OR56A3: variants seen among roughly 807,000 people sequenced by gnomAD.
OR56A3 encodes olfactory receptor family 56 subfamily A member 3.
A neutral mutation model predicts 17.5 loss-of-function variants in OR56A3; 23 were observed. The ratio of observed to expected loss-of-function variants is 1.32; its 90% confidence interval spans 0.95 to 1.87. The LOEUF (loss-of-function observed/expected upper bound fraction) is 1.87. Ranked by LOEUF, OR56A3 falls within the 40% of genes most tolerant of loss-of-function variation. The pLI is 0.00. For missense variants in OR56A3, 366 were observed against 380.1 expected (o/e 0.96, Z 0.31); for synonymous variants, 175 against 150.6 (o/e 1.16, Z -1.19).
Position 5,948,544 on chromosome 11 carries a change from T to C in OR56A3, c.*250T>C. ...CATATTTTGTCCAAAACACTGACAT[T>C]CCTTAAAGCAGATTTTAAAGTGAAA... On this transcript the variant is annotated 3_prime_UTR_variant, in exon 3 of 3. Coordinates refer to ENST00000641160, the MANE Select transcript of OR56A3 (RefSeq NM_001003443.3). 2.3e-6 allele frequency: 1 copy of C among 442,438 alleles called. No homozygotes were observed. The highest frequency in any genetic ancestry group is 4.0e-6 in the Non-Finnish European group (1 of 249,974). 27.4% of individuals were successfully genotyped at this position (442,438 alleles called of 1,614,324 possible).
the OR56A3 span, among the ~76,000 whole-genome samples, chr11:6,014,013 A>G: frequency 2.9e-3 from 449 of 152,280 alleles, 1 homozygote; most frequent in Non-Finnish European, 4.2e-3. Flanking sequence ...CAGTACCCAA[A>G]CAAGCTGCCT....
chr11:5,987,200 G>A, the OR56A3 span, among the ~76,000 whole-genome samples: 2 of 152,190 alleles, frequency 1.3e-5, no homozygotes, highest in African/African-American at 4.8e-5. Flanking sequence ...TTTTGGAACT[G>A]TCAACTTCAA....
the OR56A3 span, among the ~76,000 whole-genome samples, chr11:6,014,988 G>GAAAAAAAAAAAAA: frequency 2.8e-4 from 2 of 7,118 alleles, no homozygotes; most frequent in East Asian, 0.028. Context: ...ATATTCATGG[G>GAAAAAAAAAAAAA]CAAAAAAAAA....
At chr11:5,960,131 T>C in the OR56A3 span, among the ~76,000 whole-genome samples, 1 of 152,210 alleles carries the variant, frequency 6.6e-6, no homozygotes, top group Non-Finnish European at 1.5e-5. Context: ...TTTCTCAAGA[T>C]TGCTGTGGCT....
the OR56A3 span, among the ~76,000 whole-genome samples, chr11:6,012,732 C>T: frequency 5.3e-5 from 8 of 152,220 alleles, no homozygotes; most frequent in African/African-American, 1.4e-4. Flanking sequence ...TGCCTCCTGC[C>T]GCCATCCATG....
chr11:5,995,207 G>A, the OR56A3 span, among the ~76,000 whole-genome samples: 15 of 152,316 alleles, frequency 9.8e-5, no homozygotes, highest in East Asian at 3.9e-4. Context: ...CTTAGCTGAC[G>A]ACCACTTTAA....
In OR56A3 at chr11:5,947,783, T is replaced by G; in HGVS notation, c.437T>G (p.Val146Gly). The G allele has an allele frequency of 6.2e-7, 1 of 1,614,212 alleles. No homozygotes were observed. The highest frequency in any genetic ancestry group is 2.2e-5 in the East Asian group (1 of 44,888). Residue 146 changes from valine to glycine, a missense_variant, in exon 3 of 3, where the codon GTC becomes GGC. Coordinates refer to ENST00000641160, the MANE Select transcript of OR56A3 (RefSeq NM_001003443.3). Reference sequence around the variant, plus strand: ...TCAATCATCACTGATCACTTTGTAGTCAAGGCTGCCATGTTTATTTTGACC... The same window carrying G: ...TCAATCATCACTGATCACTTTGTAGGCAAGGCTGCCATGTTTATTTTGACC... ...YPSIITDHFV[V>G]KAAMFILTRN...
chr11:6,005,596 AT>A, the OR56A3 span, among the ~76,000 whole-genome samples: 1 of 152,226 alleles, frequency 6.6e-6, no homozygotes, highest in South Asian at 2.1e-4. Context: ...CTAAAACAAA[AT>A]GCCATAAACT....
downstream of OR56A3, among the ~76,000 whole-genome samples, chr11:5,951,558 CT>C (rs1489661104): frequency 6.6e-6 from 1 of 152,010 alleles, no homozygotes; most frequent in Non-Finnish European, 1.5e-5. Context: ...CTGGTGAGAC[CT>C]TGCATTTTCC....
chr11:5,961,152 C>T, the OR56A3 span, among the ~76,000 whole-genome samples: 1 of 150,822 alleles, frequency 6.6e-6, no homozygotes, highest in African/African-American at 2.4e-5. Context: ...CCCCGCCCGG[C>T]CACCGCCCAG....
Position 5,951,042 on chromosome 11 carries a change from G to A in OR56A3, c.*2748G>A, listed in dbSNP as rs142576812. On this transcript the variant is annotated 3_prime_UTR_variant, in exon 3 of 3. Transcript: ENST00000641160. ...AGTCAGGGTTTTAGAGGAGAGTAAA[G>A]TTTTTTTTGTTAATGCTGCAATAAC... 2 of 151,994 alleles carry A rather than the reference G, an allele frequency of 1.3e-5. No homozygotes were observed. The highest frequency in any genetic ancestry group is 3.9e-4 in the East Asian group (2 of 5,192). The allele number at this position is 151,994 out of a possible 1,614,324, so 9.4% of individuals were successfully genotyped here.
At chr11:5,968,289 A>T in the OR56A3 span, 1 of 1,612,756 alleles carries the variant, frequency 6.2e-7, no homozygotes, top group South Asian at 1.1e-5. Flanking sequence ...CAGCAGGGAG[A>T]GGAGGCTGAG....
Position 5,947,701 on chromosome 11 carries a change from T to C in OR56A3, c.355T>C (p.Phe119Leu). ...TTTCCTAGCCATGGAGTCTTGCACA[T>C]TCATGGTCATGGCCTATGATCGTTA... ...NCFLAMESCT[F>L]MVMAYDRYVA... Residue 119 changes from phenylalanine to leucine, a missense_variant, in exon 3 of 3, where the codon TTC (phenylalanine) becomes CTC (leucine). Physicochemically the swap from Phe to Leu is conservative, Grantham distance 22. Coordinates refer to ENST00000641160, the MANE Select transcript of OR56A3 (RefSeq NM_001003443.3). 5 of 1,614,210 alleles carry C rather than the reference T, an allele frequency of 3.1e-6. No individual in the cohort carries two copies. The highest frequency in any genetic ancestry group is 4.2e-6 in the Non-Finnish European group (5 of 1,180,032).
the OR56A3 span, among the ~76,000 whole-genome samples, chr11:5,961,104 G>A: frequency 0.02 from 3,048 of 149,836 alleles, 92 homozygotes; most frequent in African/African-American, 0.068. Flanking sequence ...GGCAGCCCGC[G>A]CCCGGCCAGC....
the OR56A3 span, among the ~76,000 whole-genome samples, chr11:6,014,574 G>C: frequency 6.6e-6 from 1 of 152,152 alleles, no homozygotes; most frequent in South Asian, 2.1e-4. Flanking sequence ...GTAACTATGA[G>C]CTAATTGGTA....
At chr11:5,985,250 A>T in the OR56A3 span, among the ~76,000 whole-genome samples, 4 of 152,210 alleles carry the variant, frequency 2.6e-5, no homozygotes, top group Non-Finnish European at 5.9e-5. Context: ...ACTTGGTCTT[A>T]TTCCTTCTTT....
the OR56A3 span, chr11:6,019,950 G>GT: frequency 6.6e-6 from 1 of 152,160 alleles, no homozygotes; most frequent in African/African-American, 2.4e-5. Flanking sequence ...TAGGTTTAAG[G>GT]AAAGTCTCTC....
the OR56A3 span, chr11:5,994,972 C>T: frequency 5.6e-6 from 4 of 709,674 alleles, no homozygotes; most frequent in African/African-American, 7.0e-5. Context: ...TCCCTGCAGC[C>T]AGGCGCCCGG....
At chr11:5,978,469 G>C in the OR56A3 span, among the ~76,000 whole-genome samples, 1 of 151,554 alleles carries the variant, frequency 6.6e-6, no homozygotes, top group South Asian at 2.1e-4. Flanking sequence ...TTTATTTTTT[G>C]TGGCTATTGT....
Sources: gnomAD v4.1 joint callset for allele counts (sites outside exome capture counted in the v4.1 genomes callset) on GRCh38, gnomAD v4.1.1 for gene constraint, MANE v1.5 for transcripts, NCBI Gene and HGNC (gene_info 2026-07-23, HGNC 2026-07-21) for gene names.